LHX8: variants seen among roughly 807,000 people sequenced by gnomAD.
The protein encoded by LHX8 is LIM/homeobox protein Lhx8.
In LHX8, 12 loss-of-function variants were observed where a neutral mutation model predicts 40.3. The observed-to-expected ratio is 0.30, with a 90% CI of 0.19 to 0.48. LHX8 has a LOEUF of 0.48. LHX8 is among the 20% of genes least tolerant of loss of function. LHX8 has a pLI of 0.99. For synonymous variants in LHX8, 179 were observed against 162.0 expected, an observed-to-expected ratio of 1.10 and a Z score of -0.80; for missense variants, 344 against 433.7, an observed-to-expected ratio of 0.79 and a Z score of 1.84.
the LHX8 span, among the ~76,000 whole-genome samples, chr1:75,174,001 A>G: frequency 2.1e-3 from 311 of 151,634 alleles, no homozygotes; most frequent in Non-Finnish European, 3.5e-3. Context: ...GGATTTGGCA[A>G]TGCAAATATT....
the LHX8 span, among the ~76,000 whole-genome samples, chr1:75,195,086 C>CT: frequency 2.6e-5 from 4 of 152,198 alleles, no homozygotes; most frequent in African/African-American, 9.7e-5. Context: ...CTACATATCT[C>CT]TATCTATATA....
Position 75,137,152 on chromosome 1 carries a change from T to C in LHX8, c.128T>C (p.Leu43Pro). 1 of 1,612,858 alleles carries C rather than the reference T, an allele frequency of 6.2e-7. No individual in the cohort carries two copies. ...DEDSCSSSAP[L>P]SPSSSPRSMA... is the part of the protein sequence containing the mutation. ...GACTCGTGCTCCTCCTCGGCCCCGC[T>C]GTCCCCGTCGTCCTCGCCCCGGTCC... Residue 43 changes from leucine to proline, a missense_variant, in exon 3 of 9, where the codon CTG becomes CCG. By Grantham distance (98) the Leu-to-Pro change is moderately conservative. This residue lies in a region of LHX8 where 108 missense variants were observed against 90.1 expected (regional missense o/e 1.20). Transcript: ENST00000356261.
intron 6 of LHX8, 62 bp from the exon 7 acceptor site, chr1:75,148,525 G>T: frequency 4.5e-6 from 5 of 1,119,734 alleles, no homozygotes; most frequent in African/African-American, 3.1e-5. Flanking sequence ...TGATAAAAAT[G>T]CAGGAAGAAG....
chr1:75,160,154 G>A (rs1648879338), intron 8 of LHX8: 1 of 152,180 alleles, frequency 6.6e-6, no homozygotes. Flanking sequence ...TCCACTCTGG[G>A]ACTTTGTAAG....
downstream of LHX8, among the ~76,000 whole-genome samples, chr1:75,164,677 T>C (rs779342128): frequency 6.4e-4 from 98 of 152,274 alleles, no homozygotes; most frequent in Non-Finnish European, 1.2e-3. Context: ...AAAAACTTTA[T>C]TTATTACTTG....
At chr1:75,142,595 A>G (rs1322965920) in intron 4 of LHX8, among the ~76,000 whole-genome samples, 1 of 152,180 alleles carries the variant, frequency 6.6e-6, no homozygotes, top group Non-Finnish European at 1.5e-5. Flanking sequence ...TCTGTTATAT[A>G]CATTCTTTGA....
chr1:75,193,047 G>A, the LHX8 span, among the ~76,000 whole-genome samples: 1 of 152,324 alleles, frequency 6.6e-6, no homozygotes, highest in East Asian at 1.9e-4. Flanking sequence ...TACAGTGCAA[G>A]AGGACTTTAT....
chr1:75,185,105 G>T, the LHX8 span, among the ~76,000 whole-genome samples: 1 of 150,030 alleles, frequency 6.7e-6, no homozygotes, highest in Non-Finnish European at 1.5e-5. Flanking sequence ...AATAGAATCA[G>T]TAATAAATAG....
the LHX8 span, among the ~76,000 whole-genome samples, chr1:75,193,720 A>G: frequency 6.6e-6 from 1 of 152,168 alleles, no homozygotes; most frequent in African/African-American, 2.4e-5. Flanking sequence ...CATTTATCTA[A>G]CTAGCTACTT....
At chr1:75,170,775 T>C in the LHX8 span, among the ~76,000 whole-genome samples, 1 of 152,152 alleles carries the variant, frequency 6.6e-6, no homozygotes, top group African/African-American at 2.4e-5. Flanking sequence ...CAGCAGATGG[T>C]CAGAGATCAC....
chr1:75,137,395 C>G (rs115098839), intron 3 of LHX8, 134 bp downstream of exon 3: 4 of 898,448 alleles, frequency 4.5e-6, no homozygotes, highest in Non-Finnish European at 5.3e-6. Flanking sequence ...TGCAGAAAAT[C>G]AGCCCAGTTT....
At chr1:75,172,907 C>A in the LHX8 span, among the ~76,000 whole-genome samples, 1 of 152,178 alleles carries the variant, frequency 6.6e-6, no homozygotes, top group Non-Finnish European at 1.5e-5. Flanking sequence ...TGTGAGAATA[C>A]TGAACTGCTC....
At chr1:75,192,688 C>CT in the LHX8 span, among the ~76,000 whole-genome samples, 17,801 of 151,714 alleles carry the variant, frequency 0.12, 1,738 homozygotes, top group African/African-American at 0.26. Flanking sequence ...AGGCGCTATG[C>CT]TTTTGTTTGT....
chr1:75,140,596 G>A (rs1648284801), intron 3 of LHX8, among the ~76,000 whole-genome samples: 1 of 152,038 alleles, frequency 6.6e-6, no homozygotes, highest in South Asian at 2.1e-4. Context: ...TAACCACAAG[G>A]TTTCATGCTG....
the LHX8 span, among the ~76,000 whole-genome samples, chr1:75,190,617 A>C: frequency 1.3e-5 from 2 of 152,238 alleles, no homozygotes; most frequent in African/African-American, 2.4e-5. Flanking sequence ...CTTCAAAACA[A>C]ACCATGAAAA....
upstream of LHX8, chr1:75,130,871 T>A: frequency 1.2e-6 from 1 of 859,792 alleles, no homozygotes; most frequent in East Asian, 2.5e-5. Context: ...ATCCACAGTT[T>A]CAGAGTGGTT....
At chr1:75,150,763 G>A (rs1449925950) in intron 7 of LHX8, among the ~76,000 whole-genome samples, 5 of 145,168 alleles carry the variant, frequency 3.4e-5, no homozygotes, top group East Asian at 2.1e-4. Flanking sequence ...TGGAACCTCC[G>A]CCTCCCGGGT....
rs1037381270 is a variant in LHX8 at position 75,134,972 on chromosome 1, T to C, written c.-13+18T>C. 2.0e-6 allele frequency: 2 copies of C among 982,678 alleles called. No individual in the cohort carries two copies. The highest frequency in any genetic ancestry group is 2.4e-6 in the Non-Finnish European group (2 of 827,572). The allele number at this position is 982,678 out of a possible 1,614,324, so 60.9% of individuals were successfully genotyped here. Reference sequence around the variant, plus strand: ...AGGTCCATGTGAGTCGTGCTTTTGTTCTATTTGCTGTGGTGATCGTGGCGG... The same window carrying C: ...AGGTCCATGTGAGTCGTGCTTTTGTCCTATTTGCTGTGGTGATCGTGGCGG... On this transcript the variant is annotated intron_variant, in intron 1 of 8. Transcript: ENST00000356261.
In LHX8 at chr1:75,160,950, A is replaced by G; in HGVS notation, c.*55A>G. 1 of 1,240,124 alleles carries G rather than the reference A, an allele frequency of 8.1e-7. No individual in the cohort carries two copies. The highest frequency in any genetic ancestry group is 1.2e-6 in the Non-Finnish European group (1 of 840,670). The allele number at this position is 1,240,124 out of a possible 1,614,324, so 76.8% of individuals were successfully genotyped here. On this transcript the variant is annotated 3_prime_UTR_variant, in exon 9 of 9. Transcript: ENST00000356261. Reference sequence around the variant, plus strand: ...GATATAAATTTGTCATTTATTATGTATAAAATACCATTGAAAAGATATTAC... The same window carrying G: ...GATATAAATTTGTCATTTATTATGTGTAAAATACCATTGAAAAGATATTAC...
Sources: allele counts gnomAD v4.1 joint callset (sites outside exome capture counted in the v4.1 genomes callset), GRCh38; gene constraint gnomAD v4.1.1; regional missense constraint gnomAD v4.1.1; transcripts MANE v1.5; gene names NCBI Gene and HGNC (gene_info 2026-07-23, HGNC 2026-07-21).